Variants in SPHKAP observed in about 807,000 individuals in gnomAD.
The protein encoded by SPHKAP is A-kinase anchor protein SPHKAP.
Under a neutral mutation model 137.5 loss-of-function variants are expected in SPHKAP, and 67 were observed. That is an observed-to-expected ratio of 0.49 (90% CI 0.40 to 0.60). The LOEUF (loss-of-function observed/expected upper bound fraction) is 0.60. Among genes scored for constraint, SPHKAP ranks in the 20% least tolerant of loss-of-function variants. SPHKAP has a pLI of 0.00. For missense variants in SPHKAP, 2,097 were observed against 2,069.3 expected (o/e 1.01, Z -0.26); for synonymous variants, 813 against 785.3 (o/e 1.04, Z -0.59).
intron 2 of SPHKAP, chr2:228,131,695 G>T (rs1699256614): frequency 2.9e-6 from 2 of 696,556 alleles, no homozygotes; most frequent in Non-Finnish European, 3.5e-6. Context: ...GGAGATGCAA[G>T]AAACTGTTAT....
chr2:228,157,071 T>A (rs1700128128), intron 1 of SPHKAP, among the ~76,000 whole-genome samples: 1 of 152,184 alleles, frequency 6.6e-6, no homozygotes, highest in South Asian at 2.1e-4. Flanking sequence ...GGAGTTTATG[T>A]TGTACTAGAG....
At chr2:228,003,574 C>A (rs2106184396) in intron 7 of SPHKAP, among the ~76,000 whole-genome samples, 1 of 152,270 alleles carries the variant, frequency 6.6e-6, no homozygotes, top group East Asian at 1.9e-4. Flanking sequence ...TGCCCGATTG[C>A]CCTGTCCAGA....
At chr2:228,076,261 G>A (rs570283318) in intron 3 of SPHKAP, among the ~76,000 whole-genome samples, 111 of 152,202 alleles carry the variant, frequency 7.3e-4, no homozygotes, top group Admixed American at 1.5e-3. Context: ...GTATGAATAC[G>A]GACTAATACA....
intron 1 of SPHKAP, among the ~76,000 whole-genome samples, chr2:228,177,794 CT>C (rs1186453711): frequency 6.6e-6 from 1 of 152,064 alleles, no homozygotes; most frequent in East Asian, 1.9e-4. Context: ...GACAGGAAGC[CT>C]ATATACATTA....
intron 3 of SPHKAP, among the ~76,000 whole-genome samples, chr2:228,034,818 C>T (rs1024593205): frequency 6.6e-6 from 1 of 152,114 alleles, no homozygotes; most frequent in African/African-American, 2.4e-5. Context: ...AGGCTTTCGA[C>T]AAAATTCAAC....
At chr2:228,116,847 A>G (rs1183573710) in intron 2 of SPHKAP, among the ~76,000 whole-genome samples, 1 of 152,154 alleles carries the variant, frequency 6.6e-6, no homozygotes, top group Non-Finnish European at 1.5e-5. Context: ...TTTGTCTCAG[A>G]TTATCTCCCT....
chr2:228,086,925 A>G (rs1407394666), intron 3 of SPHKAP, among the ~76,000 whole-genome samples: 1 of 152,204 alleles, frequency 6.6e-6, no homozygotes, highest in African/African-American at 2.4e-5. Flanking sequence ...AGGGGGTCAG[A>G]ACAAAACTCA....
At chr2:228,151,834 A>G (rs924867728) in intron 1 of SPHKAP, among the ~76,000 whole-genome samples, 5 of 152,022 alleles carry the variant, frequency 3.3e-5, no homozygotes, top group Non-Finnish European at 7.4e-5. Context: ...TATATTTAGT[A>G]TTATATTTAG....
intron 2 of SPHKAP, among the ~76,000 whole-genome samples, chr2:228,127,537 T>G (rs1699114157): frequency 6.6e-6 from 1 of 152,168 alleles, no homozygotes; most frequent in Non-Finnish European, 1.5e-5. Context: ...GAATGTGCTA[T>G]AAATATTAAA....
At chr2:228,115,876 A>C (rs773070759) in intron 2 of SPHKAP, among the ~76,000 whole-genome samples, 5 of 152,182 alleles carry the variant, frequency 3.3e-5, no homozygotes, top group African/African-American at 4.8e-5. Context: ...TGTTAGCATT[A>C]AGAGGTAAGG....
At chr2:227,991,585 G>A in intron 9 of SPHKAP, 1 of 985,380 alleles carries the variant, frequency 1.0e-6, no homozygotes, top group Non-Finnish European at 1.2e-6. Flanking sequence ...AGCTGGTGTG[G>A]GAGACTGAGA....
Position 228,015,379 on chromosome 2 carries a change from C to T in SPHKAP, c.4448+1027G>A, listed in dbSNP as rs560338851. Reference sequence around the variant, plus strand: ...CTATTGTGAATAGTGCTGCAATAAACATACGTGTTCATGTGTCTTTATAGC... The same window carrying T: ...CTATTGTGAATAGTGCTGCAATAAATATACGTGTTCATGTGTCTTTATAGC... On this transcript the variant is annotated intron_variant, in intron 7 of 11. Transcript: ENST00000392056. Among the ~76,000 whole-genome samples, 755 of 151,926 alleles carry T rather than the reference C, an allele frequency of 5.0e-3. 8 individuals are homozygous for T. The highest frequency in any genetic ancestry group is 0.017 in the African/African-American group (720 of 41,340).
chr2:228,105,463 A>AT (rs1698310271), intron 3 of SPHKAP, among the ~76,000 whole-genome samples: 1 of 152,142 alleles, frequency 6.6e-6, no homozygotes, highest in Non-Finnish European at 1.5e-5. Context: ...GTTAGTATAT[A>AT]TTTTTTCAGA....
At chr2:228,178,817 A>T (rs1700814876) in intron 1 of SPHKAP, among the ~76,000 whole-genome samples, 1 of 152,144 alleles carries the variant, frequency 6.6e-6, no homozygotes, top group Non-Finnish European at 1.5e-5. Flanking sequence ...TCTGTGACGC[A>T]ATCCACATAA....
chr2:227,993,163 C>G (rs1406810660), intron 9 of SPHKAP, among the ~76,000 whole-genome samples: 1 of 152,136 alleles, frequency 6.6e-6, no homozygotes, highest in Non-Finnish European at 1.5e-5. Flanking sequence ...AAGCCATTCA[C>G]ATTTGATTTT....
chr2:228,053,152 G>A (rs1696316487), intron 3 of SPHKAP, among the ~76,000 whole-genome samples: 1 of 152,232 alleles, frequency 6.6e-6, no homozygotes, highest in Middle Eastern at 3.4e-3. Flanking sequence ...GGTGGAAAGA[G>A]AGCTCTTATC....
intron 1 of SPHKAP, among the ~76,000 whole-genome samples, chr2:228,134,441 T>C (rs1167770358): frequency 2.6e-5 from 4 of 152,134 alleles, no homozygotes; most frequent in African/African-American, 9.7e-5. Flanking sequence ...GGAAGTCACT[T>C]GGCGAAATAT....
chr2:228,037,762 C>T (rs1003546230), intron 3 of SPHKAP, among the ~76,000 whole-genome samples: 39 of 152,304 alleles, frequency 2.6e-4, no homozygotes, highest in African/African-American at 8.7e-4. Flanking sequence ...AAACACATAA[C>T]CATGTGAATA....
At chr2:228,075,720 C>T (rs1378275745) in intron 3 of SPHKAP, among the ~76,000 whole-genome samples, 1 of 152,098 alleles carries the variant, frequency 6.6e-6, no homozygotes, top group Non-Finnish European at 1.5e-5. Flanking sequence ...TGCGGAAATG[C>T]TGCAAAACAT....
Sources: allele counts gnomAD v4.1 joint callset (sites outside exome capture counted in the v4.1 genomes callset), GRCh38; gene constraint gnomAD v4.1.1; transcripts MANE v1.5; gene names NCBI Gene and HGNC (gene_info 2026-07-23, HGNC 2026-07-21).